The following RASAL3 variants were observed in gnomAD, a reference collection of about 807,000 sequenced individuals.
The protein encoded by RASAL3 is RAS protein activator like-3.
Under a neutral mutation model 105.5 loss-of-function variants are expected in RASAL3, and 74 were observed. The observed-to-expected ratio is 0.70, with a 90% CI of 0.58 to 0.85. The LOEUF is 0.85. Ranked by LOEUF, RASAL3 falls within the 40% of genes least tolerant of loss-of-function variation. The probability of loss-of-function intolerance (pLI) is 0.00; values close to 1 mark genes in which losing one functional copy is unlikely to be tolerated. For missense variants in RASAL3, 1,352 were observed against 1,392.0 expected, an observed-to-expected ratio of 0.97 and a Z score of 0.46; for synonymous variants, 579 against 591.6, an observed-to-expected ratio of 0.98 and a Z score of 0.31.
chr19:15,458,495 T>C (rs1461732975), intron 7 of RASAL3, 34 bp downstream of exon 7: 2 of 1,613,610 alleles, frequency 1.2e-6, no homozygotes, highest in African/African-American at 1.3e-5. Flanking sequence ...GAGGTGGGAC[T>C]GAGGTGGAAT....
At position 15,462,777 on chromosome 19, in the gene RASAL3, C is replaced by G. The variant is rs1195376828; in HGVS notation, c.329-1170G>C. On this transcript the variant is annotated intron_variant, in intron 2 of 17. Transcript: ENST00000343625. ...ACCATTCTGGTTAACACAGTGAAAC[C>G]CTGTCTCTACTAGAAATACAACAAT... Among the ~76,000 whole-genome samples, 10 of 152,088 alleles carry G rather than the reference C, an allele frequency of 6.6e-5. No homozygotes were observed. In the East Asian group the frequency reaches 1.6e-3, roughly 24 times the overall value.
Position 15,452,074 on chromosome 19 carries a change from T to A in RASAL3, c.2863A>T (p.Ser955Cys). Residue 955 changes from serine (S) to cysteine (C), a missense_variant, in exon 17 of 18, where the codon AGC (serine) becomes TGC (cysteine). Transcript: ENST00000343625. Reference protein sequence around the residue: ...SEFDSEHNLTSNEGHSLKNLE... With the variant: ...SEFDSEHNLTCNEGHSLKNLE... ...TTTTTCAGACTGTGCCCTTCATTGCTTGTTAGGTTGTGCTCTGAATCAAAC... is the reference window on the plus strand; with the variant it reads ...TTTTTCAGACTGTGCCCTTCATTGCATGTTAGGTTGTGCTCTGAATCAAAC... The A allele has an allele frequency of 1.2e-6, 2 of 1,613,866 alleles. No homozygotes were observed. Among genetic ancestry groups the A allele is most frequent in the Non-Finnish European group, 1.7e-6 (2 of 1,179,844 alleles).
rs570230291 is a variant in RASAL3 at position 15,456,797 on chromosome 19, G to A, written c.1432-151C>T. ...CCTTACTGCTGGGGCTCATAACCGA[G>A]GCCGGAACCTCTAACCCTCACAGCA... is the stretch of plus-strand genomic sequence containing the variant. On this transcript the variant is annotated intron_variant, in intron 9 of 17. Transcript: ENST00000343625. This position sits in a 1 kb window ranked among gnomAD's most constrained non-coding sequence, Gnocchi z 4.4. 8.3e-5 allele frequency: 79 copies of A among 946,156 alleles called. No individual in the cohort carries two copies. In the African/African-American group the frequency reaches 9.1e-4, roughly 11 times the overall value. 58.6% of individuals were successfully genotyped at this position (946,156 alleles called of 1,614,324 possible).
rs1555719989 is a variant in RASAL3, at chr19:15,459,242, T to TTTATTTA, written c.663-594_663-588dup. ...GTGTGAGCCACCGTGCCCAGCCCTA[T>TTTATTTA]TTATTTATTTATTTATTTATTGAGA... On this transcript the variant is annotated intron_variant, in intron 6 of 17. Coordinates refer to ENST00000343625, the MANE Select transcript of RASAL3 (RefSeq NM_022904.3). Among the ~76,000 whole-genome samples, 79 of 149,278 alleles carry TTTATTTA rather than the reference T, an allele frequency of 5.3e-4. 1 individual carries two copies. Among genetic ancestry groups the TTTATTTA allele is most frequent in the African/African-American group, 1.9e-3 (78 of 40,786 alleles).
At chr19:15,454,931 G>T (rs1315751180) in intron 11 of RASAL3, 38 bp from the exon 12 acceptor site, 2 of 1,460,024 alleles carry the variant, frequency 1.4e-6, no homozygotes, top group Non-Finnish European at 1.8e-6. Flanking sequence ...AGACGGGGAG[G>T]CTATGGGCAT....
intron 5 of RASAL3, among the ~76,000 whole-genome samples, chr19:15,460,768 T>G (rs1402354264): frequency 6.6e-6 from 1 of 152,164 alleles, no homozygotes; most frequent in Non-Finnish European, 1.5e-5. Context: ...CCATGTTGCT[T>G]AGGCTGGTGT....
At position 15,456,030 on chromosome 19, in the gene RASAL3, G is replaced by T. The variant is rs1970303742; in HGVS notation, c.1721+74C>A. 2 of 1,514,252 alleles carry T rather than the reference G, an allele frequency of 1.3e-6. No individual in the cohort carries two copies. The highest frequency in any genetic ancestry group is 3.7e-5 in the Admixed American group (2 of 53,754). 93.8% of individuals were successfully genotyped at this position (1,514,252 alleles called of 1,614,324 possible). On this transcript the variant is annotated intron_variant, in intron 11 of 17. Transcript: ENST00000343625. This position sits in a 1 kb window ranked among gnomAD's most constrained non-coding sequence, Gnocchi z 4.4. The stretch of plus-strand genomic sequence containing the variant: ...CTGAGTGTCTCCTGTATTTTATCTG[G>T]CCACCCTAAACTGGAGGTCGGGGCT...
At position 15,454,614 on chromosome 19, in the gene RASAL3, A is replaced by T. The variant is rs558255906; in HGVS notation, c.1958+43T>A. 3.7e-6 allele frequency: 6 copies of T among 1,611,676 alleles called. No individual in the cohort carries two copies. In the Admixed American group the frequency reaches 1.0e-4, roughly 27 times the overall value. ...CAGGTCAGGCACCTGCCACCCCCAC[A>T]CTCCCAGCATGGTCCCCCCACCCCT... On this transcript the variant is annotated intron_variant, in intron 12 of 17. Coordinates refer to ENST00000343625, the MANE Select transcript of RASAL3 (RefSeq NM_022904.3).
In RASAL3 at chr19:15,461,066, G is replaced by A. The variant is rs186975895; in HGVS notation, c.600C>T (p.Asn200=). 2.2e-3 allele frequency: 3,565 copies of A among 1,613,804 alleles called. 6 individuals are homozygous for A. Among genetic ancestry groups the A allele is most frequent in the Non-Finnish European group, 2.5e-3 (2,978 of 1,179,828 alleles). The part of the protein sequence containing the change: ...PETAGPNQVH[N]VRGLLKRLKE... ...CCTTCACTGGCTGCCTTACCCGAAC[G>A]TTGTGGACCTGGTTGGGACCAGCAG... Residue 200 remains asparagine, a synonymous_variant, in exon 5 of 18, where the codon AAC becomes AAT. Transcript: ENST00000343625.
At position 15,453,148 on chromosome 19, in the gene RASAL3, C is replaced by T. The variant is rs547835084; in HGVS notation, c.2629G>A (p.Asp877Asn). The change falls in exon 15 of 18, where the codon GAC becomes AAC. Residue 877 changes from aspartate (D) to asparagine (N), a missense_variant. Coordinates refer to ENST00000343625, the MANE Select transcript of RASAL3 (RefSeq NM_022904.3). This position sits in a 1 kb window ranked among gnomAD's most constrained non-coding sequence, Gnocchi z 4.2. ...PWQRQMDQPQ[D>N]RNQALGTHRP... ...TGCGTGCCCAGTGCCTGGTTTCGGT[C>T]TTGCGGCTGGTCCATTTGGCGCTGC... 8.5e-5 allele frequency: 137 copies of T among 1,613,706 alleles called. 2 individuals carry two copies. In the South Asian group the frequency reaches 1.4e-3, roughly 16 times the overall value.
At chr19:15,458,488 G>A in intron 7 of RASAL3, 41 bp downstream of exon 7, 2 of 1,613,726 alleles carry the variant, frequency 1.2e-6, no homozygotes, top group Admixed American at 1.7e-5. Flanking sequence ...AGGGTGGGAG[G>A]TGGGACTGAG....
intron 6 of RASAL3, among the ~76,000 whole-genome samples, chr19:15,459,032 G>A (rs1970425324): frequency 6.6e-6 from 1 of 152,080 alleles, no homozygotes; most frequent in Non-Finnish European, 1.5e-5. Context: ...CCAGGTTCAA[G>A]TGATTTTCCT....
In RASAL3 at chr19:15,453,617, A is replaced by C; in HGVS notation, c.2280-120T>G. 1 of 1,023,392 alleles carries C rather than the reference A, an allele frequency of 9.8e-7. No homozygotes were observed. The highest frequency in any genetic ancestry group is 3.2e-5 in the East Asian group (1 of 30,824). 63.4% of individuals were successfully genotyped at this position (1,023,392 alleles called of 1,614,324 possible). A position where few individuals can be genotyped will look rare whatever the true frequency, so the allele number is the denominator to read the frequency against. On this transcript the variant is annotated intron_variant, in intron 14 of 17. Coordinates refer to ENST00000343625, the MANE Select transcript of RASAL3 (RefSeq NM_022904.3). The surrounding 1 kb of genome is among the most constrained non-coding windows in gnomAD (Gnocchi z 4.2). ...TTGTCCTTTCTTTTTTTTTTTTGAG[A>C]CAAGGTCTTGCTCTGTCGCCCAGGC...
rs1970213255 is a variant in RASAL3, at chr19:15,453,201, G to A, written c.2576C>T (p.Ser859Leu). The part of the protein sequence containing the change: ...RARPWTRDSA[S>L]LPRKPSVPWQ... ...GGGTACCGACGGCTTCCGAGGCAGCGAGGCGGAGTCCCGGGTCCAAGGCCG... is the reference window on the plus strand; with the variant it reads ...GGGTACCGACGGCTTCCGAGGCAGCAAGGCGGAGTCCCGGGTCCAAGGCCG... The change falls in exon 15 of 18, where the codon TCG becomes TTG. Residue 859 changes from serine (S) to leucine (L), a missense_variant. By Grantham distance (145) the Ser-to-Leu change is moderately radical. Transcript: ENST00000343625. The surrounding 1 kb of genome is among the most constrained non-coding windows in gnomAD (Gnocchi z 4.2). 1 of 1,610,776 alleles carries A rather than the reference G, an allele frequency of 6.2e-7. No individual in the cohort carries two copies. Among genetic ancestry groups the A allele is most frequent in the East Asian group, 2.2e-5 (1 of 44,774 alleles).
rs1259331112 is a variant in RASAL3, at chr19:15,455,982, C to T, written c.1721+122G>A. 2.6e-6 allele frequency: 3 copies of T among 1,176,200 alleles called. No individual in the cohort carries two copies. In the East Asian group the frequency reaches 7.1e-5, roughly 28 times the overall value. The allele number at this position is 1,176,200 out of a possible 1,614,324, so 72.9% of individuals were successfully genotyped here. A position where few individuals can be genotyped will look rare whatever the true frequency, so the allele number is the denominator to read the frequency against. On this transcript the variant is annotated intron_variant, in intron 11 of 17. Transcript: ENST00000343625. ...AGTAATTTTTTAGTATAAGCATGGT[C>T]CCAATTATTGCATCAAATTTAACTG...
intron 6 of RASAL3, among the ~76,000 whole-genome samples, chr19:15,459,817 A>C (rs1320722050): frequency 6.6e-6 from 1 of 152,064 alleles, no homozygotes; most frequent in African/African-American, 2.4e-5. Flanking sequence ...GAGCCACTTC[A>C]CCCAGCCCTC....
chr19:15,464,361 TTG>T lies in RASAL3; in HGVS notation c.-5_-4del, dbSNP rs1491351186. 8.3e-6 allele frequency: 4 copies of T among 481,862 alleles called. No individual in the cohort carries two copies. The allele number at this position is 481,862 out of a possible 1,614,324, so 29.8% of individuals were successfully genotyped here. On this transcript the variant is annotated 5_prime_UTR_variant, in exon 2 of 18. Transcript: ENST00000343625. ...CGGCTTGGCGACGGTGGGTCCATGGTTGGGGGGGGGGGTCTCCTGGGGGACGA... is the reference window on the plus strand; with the variant it reads ...CGGCTTGGCGACGGTGGGTCCATGGTGGGGGGGGGGTCTCCTGGGGGACGA...
Position 15,453,348 on chromosome 19 carries a change from C to T in RASAL3, c.2429G>A (p.Arg810Gln), listed in dbSNP as rs753742401. 9.8e-6 allele frequency: 14 copies of T among 1,427,836 alleles called. No individual in the cohort carries two copies. The African/African-American group carries it at 1.7e-4, about 17-fold the overall frequency. The allele number at this position is 1,427,836 out of a possible 1,614,324, so 88.4% of individuals were successfully genotyped here. A position where few individuals can be genotyped will look rare whatever the true frequency, so the allele number is the denominator to read the frequency against. ...CTGCGTGCGCTGCACCGGCCGGGGCCGCCGCAGGGGCCGCTCTTCGTCCGG... is the reference window on the plus strand; with the variant it reads ...CTGCGTGCGCTGCACCGGCCGGGGCTGCCGCAGGGGCCGCTCTTCGTCCGG... Reference protein sequence around the residue: ...PRPDEERPLRRPRPVQRTQSV... With the variant: ...PRPDEERPLRQPRPVQRTQSV... Residue 810 changes from arginine to glutamine, a missense_variant, in exon 15 of 18, where the codon CGG (arginine) becomes CAG (glutamine). By Grantham distance (43) the Arg-to-Gln change is conservative. Coordinates refer to ENST00000343625, the MANE Select transcript of RASAL3 (RefSeq NM_022904.3). The surrounding 1 kb of genome is among the most constrained non-coding windows in gnomAD (Gnocchi z 4.2).
chr19:15,457,802 G>A lies in RASAL3; in HGVS notation c.921C>T (p.Ser307=). The change falls in exon 9 of 18, where the codon AGC becomes AGT. Residue 307 remains serine (S), a synonymous_variant. Coordinates refer to ENST00000343625, the MANE Select transcript of RASAL3 (RefSeq NM_022904.3). The surrounding 1 kb of genome is among the most constrained non-coding windows in gnomAD (Gnocchi z 8.6). ...DNVEREETWL[S]VWVHEAKGLP... ...GCCCCTTCGCTTCGTGCACCCACAC[G>A]CTCAGCCATGTCTCTTCCCGCTCCA... The A allele has an allele frequency of 6.5e-7, 1 of 1,548,470 alleles. No individual in the cohort carries two copies. The highest frequency in any genetic ancestry group is 1.2e-5 in the South Asian group (1 of 83,978).
Sources: gnomAD v4.1 joint callset for allele counts (sites outside exome capture counted in the v4.1 genomes callset) on GRCh38, gnomAD v4.1.1 for gene constraint, Gnocchi (gnomAD v3.1) non-coding constraint, MANE v1.5 for transcripts, NCBI Gene and HGNC (gene_info 2026-07-23, HGNC 2026-07-21) for gene names.